The following LRP1B variants were observed in gnomAD, a reference collection of about 807,000 sequenced individuals.
LRP1B encodes LDL receptor related protein 1B.
A neutral mutation model predicts 556.6 loss-of-function variants in LRP1B; 217 were observed. The ratio of observed to expected loss-of-function variants is 0.39; its 90% CI spans 0.35 to 0.44. The LOEUF is 0.44. Ranked by LOEUF, LRP1B falls within the 20% of genes least tolerant of loss-of-function variation. The pLI is 1.00. For missense variants in LRP1B, 5,053 were observed against 5,620.8 expected (o/e 0.90, Z 3.23); for synonymous variants, 2,047 against 1,865.8 (o/e 1.10, Z -2.50).
intron 50 of LRP1B, among the ~76,000 whole-genome samples, chr2:140,516,585 C>A (rs1363071530): frequency 6.6e-6 from 1 of 151,840 alleles, no homozygotes; most frequent in Non-Finnish European, 1.5e-5. Flanking sequence ...ACATCAGGTA[C>A]CACCTAAAGT....
chr2:140,578,697 A>C (rs1488130094), intron 43 of LRP1B, among the ~76,000 whole-genome samples: 1 of 151,746 alleles, frequency 6.6e-6, no homozygotes, highest in African/African-American at 2.4e-5. Flanking sequence ...ATATGTAACA[A>C]ACCTGCACGT....
intron 1 of LRP1B, among the ~76,000 whole-genome samples, chr2:141,820,834 G>A (rs1574398953): frequency 6.6e-6 from 1 of 152,308 alleles, no homozygotes; most frequent in East Asian, 1.9e-4. Context: ...GAGCCCCATG[G>A]CAGGCTGAAT....
At chr2:141,807,245 G>A (rs1435831102) in intron 2 of LRP1B, among the ~76,000 whole-genome samples, 1 of 147,782 alleles carries the variant, frequency 6.8e-6, no homozygotes, top group Non-Finnish European at 1.5e-5. Flanking sequence ...TTTAAATTTG[G>A]CAAAGACTGA....
At chr2:140,252,644 TA>T (rs1326707706) in intron 86 of LRP1B, among the ~76,000 whole-genome samples, 1 of 152,210 alleles carries the variant, frequency 6.6e-6, no homozygotes, top group East Asian at 1.9e-4. Context: ...AATTTAAATG[TA>T]AAAATATTAT....
intron 7 of LRP1B, among the ~76,000 whole-genome samples, chr2:141,096,624 GAGGGGGA>G (rs1558858053): frequency 1.4e-4 from 6 of 42,534 alleles, no homozygotes; most frequent in African/African-American, 4.2e-4. Flanking sequence ...AAGACGGGGA[GAGGGGGA>G]GAGAGAGAGA....
At chr2:140,321,839 A>T (rs1680150959) in intron 82 of LRP1B, 124 bp downstream of exon 82, 1 of 906,070 alleles carries the variant, frequency 1.1e-6, no homozygotes, top group African/African-American at 1.7e-5. Context: ...CAGGCATTCA[A>T]GAACCACTGC....
intron 77 of LRP1B, among the ~76,000 whole-genome samples, chr2:140,341,393 T>G (rs1253854863): frequency 6.6e-6 from 1 of 151,440 alleles, no homozygotes; most frequent in East Asian, 2.0e-4. Flanking sequence ...AAATTAACAT[T>G]CTTCAGTCTT....
At chr2:141,620,099 G>A (rs1310484317) in intron 2 of LRP1B, among the ~76,000 whole-genome samples, 1 of 152,152 alleles carries the variant, frequency 6.6e-6, no homozygotes, top group Non-Finnish European at 1.5e-5. Flanking sequence ...ATTACAGGCA[G>A]ATGCCACCAT....
chr2:142,000,899 C>G (rs1574579813), intron 1 of LRP1B, among the ~76,000 whole-genome samples: 1 of 152,110 alleles, frequency 6.6e-6, no homozygotes, highest in Non-Finnish European at 1.5e-5. Flanking sequence ...TGTCCCCACC[C>G]AAATCTCATG....
At chr2:141,453,737 A>G (rs892333234) in intron 3 of LRP1B, among the ~76,000 whole-genome samples, 1 of 151,936 alleles carries the variant, frequency 6.6e-6, no homozygotes, top group African/African-American at 2.4e-5. Context: ...GGCCAAAATG[A>G]CAAAACCCTG....
intron 7 of LRP1B, among the ~76,000 whole-genome samples, chr2:141,122,938 T>C (rs1191465079): frequency 6.6e-6 from 1 of 152,128 alleles, no homozygotes; most frequent in African/African-American, 2.4e-5. Flanking sequence ...GATAAGTTCA[T>C]GTCCTTTGTA....
At chr2:140,784,376 C>CCA (rs143661527) in intron 32 of LRP1B, among the ~76,000 whole-genome samples, 22,931 of 126,424 alleles carry the variant, frequency 0.18, 2,129 homozygotes, top group African/African-American at 0.26. Flanking sequence ...GATTCTGCCT[C>CCA]CACACACACA....
chr2:140,861,980 T>C, intron 27 of LRP1B, among the ~76,000 whole-genome samples: 1 of 152,214 alleles, frequency 6.6e-6, no homozygotes, highest in South Asian at 2.1e-4. Flanking sequence ...TTTTTAGTGT[T>C]GCAGTTTCCA....
chr2:141,113,914 T>C (rs1700815888), intron 7 of LRP1B, among the ~76,000 whole-genome samples: 1 of 152,206 alleles, frequency 6.6e-6, no homozygotes, highest in African/African-American at 2.4e-5. Context: ...AGTTCAGCTG[T>C]TAGAAAACTC....
At chr2:142,101,489 T>C (rs1184032848) in intron 1 of LRP1B, among the ~76,000 whole-genome samples, 1 of 152,014 alleles carries the variant, frequency 6.6e-6, no homozygotes, top group Admixed American at 6.6e-5. Context: ...CATATTCAGA[T>C]ATAAAACATA....
intron 83 of LRP1B, among the ~76,000 whole-genome samples, chr2:140,304,910 G>A (rs970543863): frequency 3.3e-5 from 5 of 152,040 alleles, no homozygotes; most frequent in African/African-American, 9.7e-5. Context: ...TATTAAATAG[G>A]GAATCCTTTC....
chr2:140,355,236 A>G (rs1682155727), intron 75 of LRP1B, among the ~76,000 whole-genome samples: 1 of 151,934 alleles, frequency 6.6e-6, no homozygotes, highest in South Asian at 2.1e-4. Flanking sequence ...CAAATATTAG[A>G]AAATAAATGT....
At chr2:141,863,378 G>T (rs757729925) in intron 1 of LRP1B, among the ~76,000 whole-genome samples, 1 of 152,114 alleles carries the variant, frequency 6.6e-6, no homozygotes, top group African/African-American at 2.4e-5. Context: ...CTGATTAAGT[G>T]ATCAGGCAAA....
chr2:140,233,159 T>C lies in LRP1B; in HGVS notation c.*27A>G. 1 of 1,473,338 alleles carries C rather than the reference T, an allele frequency of 6.8e-7. No homozygotes were observed. The allele number at this position is 1,473,338 out of a possible 1,614,324, so 91.3% of individuals were successfully genotyped here. A position where few individuals can be genotyped will look rare whatever the true frequency, so the allele number is the denominator to read the frequency against. On this transcript the variant is annotated 3_prime_UTR_variant, in exon 91 of 91. Transcript: ENST00000389484. ...AAGTAATCCTTATATTTTATACATT[T>C]ATACAGCATATAAAAGATATCACTG...
Sources: allele counts gnomAD v4.1 joint callset (sites outside exome capture counted in the v4.1 genomes callset), GRCh38; gene constraint gnomAD v4.1.1; transcripts MANE v1.5; gene names NCBI Gene and HGNC (gene_info 2026-07-23, HGNC 2026-07-21).